RBFOX1: variants seen among roughly 807,000 people sequenced by gnomAD.
RBFOX1 encodes RNA binding protein fox-1 homolog 1.
In RBFOX1, 8 loss-of-function variants were observed where a neutral mutation model predicts 57.7. That is an observed-to-expected ratio of 0.14 (90% CI 0.08 to 0.25). The LOEUF (loss-of-function observed/expected upper bound fraction) is 0.25. RBFOX1 is among the 10% of genes least tolerant of loss of function. RBFOX1 has a pLI of 1.00. For synonymous variants in RBFOX1, 326 were observed against 222.4 expected (o/e 1.47, Z -4.15); for missense variants, 611 against 548.5 (o/e 1.11, Z -1.14).
chr16:7,349,188 T>G (rs1332237532), intron 4 of RBFOX1, among the ~76,000 whole-genome samples: 2 of 152,238 alleles, frequency 1.3e-5, no homozygotes, highest in East Asian at 1.9e-4. Context: ...GGACTAAAAC[T>G]TGGGTTAAAA....
At chr16:7,445,736 T>G (rs1053672855) in intron 4 of RBFOX1, among the ~76,000 whole-genome samples, 1 of 152,182 alleles carries the variant, frequency 6.6e-6, no homozygotes, top group African/African-American at 2.4e-5. Flanking sequence ...GTTGTTTTTG[T>G]TTTGTCTTTT....
At chr16:7,652,699 C>T (rs929175525) in intron 11 of RBFOX1, among the ~76,000 whole-genome samples, 2 of 152,224 alleles carry the variant, frequency 1.3e-5, no homozygotes, top group Non-Finnish European at 2.9e-5. Flanking sequence ...AGCCACCGCG[C>T]CCAGCCCCCA....
At chr16:6,746,807 C>G (rs1013797811) in intron 3 of RBFOX1, among the ~76,000 whole-genome samples, 4 of 152,060 alleles carry the variant, frequency 2.6e-5, no homozygotes, top group Non-Finnish European at 4.4e-5. Flanking sequence ...CCAAAGTTTG[C>G]TAGTGATCCC....
chr16:5,844,937 T>C lies in RBFOX1; in HGVS notation c.319-22366T>C, dbSNP rs542399322. ...ACACCAAGAGTTTATTTGCAGAGAA[T>C]TGGGTTTAATTCAATTAGCAGGAAT... On this transcript the variant is annotated intron_variant, in intron 3 of 19. Coordinates refer to the RBFOX1 transcript ENST00000641259. Among the ~76,000 whole-genome samples the C allele has an allele frequency of 3.3e-5, 5 of 152,310 alleles. No homozygotes were observed. In the South Asian group the frequency reaches 1.0e-3, roughly 32 times the overall value.
At chr16:6,578,856 G>C (rs2097488897) in intron 2 of RBFOX1, among the ~76,000 whole-genome samples, 2 of 151,968 alleles carry the variant, frequency 1.3e-5, no homozygotes, top group African/African-American at 4.8e-5. Flanking sequence ...CGAGGCATAA[G>C]AATGATACAA....
intron 3 of RBFOX1, among the ~76,000 whole-genome samples, chr16:6,782,301 A>G (rs1029611693): frequency 6.6e-6 from 1 of 152,078 alleles, no homozygotes; most frequent in Non-Finnish European, 1.5e-5. Context: ...ACAGGCATTT[A>G]TTGTTATAAA....
At chr16:7,657,201 A>G (rs948325118) in intron 12 of RBFOX1, among the ~76,000 whole-genome samples, 2 of 152,182 alleles carry the variant, frequency 1.3e-5, no homozygotes, top group Non-Finnish European at 1.5e-5. Flanking sequence ...TAGGATCTCC[A>G]TGGCTACCTT....
At chr16:6,843,361 C>T (rs1277819270) in intron 3 of RBFOX1, among the ~76,000 whole-genome samples, 3 of 151,934 alleles carry the variant, frequency 2.0e-5, no homozygotes, top group East Asian at 1.9e-4. Flanking sequence ...AAAAAAATTC[C>T]TTACTTTTTG....
Position 5,240,990 on chromosome 16 carries a change from C to T in RBFOX1, c.219+885C>T, listed in dbSNP as rs551500675. ...GGTTTTTGATGGATAATGGGGTTGACCTCTTTGTTCCTTCCAAATGTTTTT... is the reference window on the plus strand; with the variant it reads ...GGTTTTTGATGGATAATGGGGTTGATCTCTTTGTTCCTTCCAAATGTTTTT... On this transcript the variant is annotated intron_variant, in intron 1 of 2. Transcript: ENST00000585867. 3.3e-5 allele frequency among the ~76,000 whole-genome samples: 5 copies of T among 152,328 alleles called. No homozygotes were observed. In the East Asian group the frequency reaches 5.8e-4, roughly 18 times the overall value.
intron 3 of RBFOX1, among the ~76,000 whole-genome samples, chr16:5,820,789 A>G (rs1312813698): frequency 6.6e-6 from 1 of 152,084 alleles, no homozygotes; most frequent in African/African-American, 2.4e-5. Context: ...AGACGATCAG[A>G]CAGTTAGACA....
intron 4 of RBFOX1, among the ~76,000 whole-genome samples, chr16:7,338,718 A>G (rs1012218619): frequency 6.6e-6 from 1 of 152,234 alleles, no homozygotes. Context: ...CAAATTATAG[A>G]AACATCGGCC....
At chr16:7,022,050 C>T (rs1182316360) in intron 3 of RBFOX1, among the ~76,000 whole-genome samples, 1 of 100,960 alleles carries the variant, frequency 9.9e-6, no homozygotes, top group East Asian at 3.9e-4. Context: ...TTCCCCCTCC[C>T]CTTCCCCCTC....
At chr16:7,270,799 C>G (rs1168646895) in intron 4 of RBFOX1, among the ~76,000 whole-genome samples, 1 of 152,136 alleles carries the variant, frequency 6.6e-6, no homozygotes, top group South Asian at 2.1e-4. Flanking sequence ...TTCTTCCTTC[C>G]CTATCAACTT....
At chr16:6,952,369 G>C (rs2080943429) in intron 3 of RBFOX1, among the ~76,000 whole-genome samples, 2 of 152,188 alleles carry the variant, frequency 1.3e-5, no homozygotes, top group South Asian at 4.1e-4. Flanking sequence ...TAAACTTGTT[G>C]GGCATGGTGG....
At position 6,324,399 on chromosome 16, in the gene RBFOX1, C is replaced by T. The variant is rs999116435; in HGVS notation, c.-64+7342C>T. Reference sequence around the variant, plus strand: ...AAGATATTTAATTGGCTCACAGAGCCACAGGCTGTACAGGAAGTATGATGC... The same window carrying T: ...AAGATATTTAATTGGCTCACAGAGCTACAGGCTGTACAGGAAGTATGATGC... On this transcript the variant is annotated intron_variant, in intron 2 of 15. Transcript: ENST00000550418. Among the ~76,000 whole-genome samples, 13 of 152,142 alleles carry T rather than the reference C, an allele frequency of 8.5e-5. No individual in the cohort carries two copies. In the South Asian group the frequency reaches 2.7e-3, roughly 32 times the overall value.
intron 1 of RBFOX1, among the ~76,000 whole-genome samples, chr16:6,212,390 T>C (rs2097304216): frequency 1.3e-5 from 2 of 151,350 alleles, no homozygotes; most frequent in African/African-American, 4.9e-5. Context: ...TACACATATA[T>C]GTGTATGTAT....
At chr16:6,628,038 T>G (rs2098333354) in intron 2 of RBFOX1, among the ~76,000 whole-genome samples, 1 of 152,222 alleles carries the variant, frequency 6.6e-6, no homozygotes, top group Non-Finnish European at 1.5e-5. Context: ...AAAGGACATC[T>G]CTGGGTCACT....
intron 4 of RBFOX1, among the ~76,000 whole-genome samples, chr16:7,199,128 A>G (rs2087590938): frequency 1.3e-5 from 2 of 152,152 alleles, no homozygotes; most frequent in East Asian, 1.9e-4. Context: ...ACAGCTCACA[A>G]TGTTAGGGAC....
chr16:7,445,677 C>G (rs1273818865), intron 4 of RBFOX1, among the ~76,000 whole-genome samples: 1 of 152,190 alleles, frequency 6.6e-6, no homozygotes, highest in South Asian at 2.1e-4. Context: ...CTACATGGTA[C>G]CACAGTTTTT....
Sources: allele counts gnomAD v4.1 joint callset (sites outside exome capture counted in the v4.1 genomes callset), GRCh38; gene constraint gnomAD v4.1.1; transcripts MANE v1.5; gene names NCBI Gene and HGNC (gene_info 2026-07-23, HGNC 2026-07-21).